Variants in COL19A1 observed in about 807,000 individuals in gnomAD.
COL19A1 encodes the protein collagen alpha-1(XIX) chain.
A neutral mutation model predicts 190.2 loss-of-function variants in COL19A1; 159 were observed. The observed-to-expected ratio is 0.84, with a 90% CI of 0.73 to 0.95. The LOEUF (loss-of-function observed/expected upper bound fraction) is 0.95, where lower values mean the gene tolerates loss of function less well. Ranked by LOEUF, COL19A1 falls within the 40% of genes least tolerant of loss-of-function variation. COL19A1 has a pLI of 0.00. For synonymous variants in COL19A1, 509 were observed against 458.9 expected (o/e 1.11, Z -1.39); for missense variants, 1,418 against 1,431.9 (o/e 0.99, Z 0.16).
At chr6:69,923,306 G>A (rs1199710022) in intron 4 of COL19A1, among the ~76,000 whole-genome samples, 1 of 152,072 alleles carries the variant, frequency 6.6e-6, no homozygotes, top group Non-Finnish European at 1.5e-5. Context: ...CCAACACATG[G>A]TAGGCTTGAA....
At chr6:69,983,881 A>G (rs1048298428) in intron 11 of COL19A1, among the ~76,000 whole-genome samples, 10 of 151,994 alleles carry the variant, frequency 6.6e-5, no homozygotes, top group African/African-American at 2.4e-4. Context: ...GGATTTTTGC[A>G]CCTATGTTTA....
At chr6:70,128,597 G>A (rs761953890) in intron 17 of COL19A1, among the ~76,000 whole-genome samples, 2 of 152,206 alleles carry the variant, frequency 1.3e-5, no homozygotes, top group Non-Finnish European at 2.9e-5. Context: ...GTGTTTAGGA[G>A]TAAACAGGAG....
In COL19A1 at chr6:70,169,035, T is replaced by C. The variant is rs186699931; in HGVS notation, c.2568+354T>C. Among the ~76,000 whole-genome samples the C allele has an allele frequency of 2.7e-3, 406 of 151,456 alleles. 2 individuals are homozygous for C. Among genetic ancestry groups the C allele is most frequent in the African/African-American group, 9.2e-3 (379 of 41,128 alleles). ...TAGATTGTGGAAGAGAAATACTTAC[T>C]GGAAAGAAATCCCTTAATATATCTG... On this transcript the variant is annotated intron_variant, in intron 40 of 50. Coordinates refer to ENST00000620364, the MANE Select transcript of COL19A1 (RefSeq NM_001858.6).
intron 2 of COL19A1, chr6:69,890,638 C>G (rs1769282047): frequency 6.6e-6 from 1 of 152,078 alleles, no homozygotes; most frequent in Admixed American, 6.5e-5. Context: ...TAAGTATGTT[C>G]CAAATATTGC....
chr6:70,131,044 C>T (rs892767088), intron 18 of COL19A1: 2 of 461,668 alleles, frequency 4.3e-6, no homozygotes, highest in Admixed American at 2.4e-5. Context: ...TTCCCCTTGT[C>T]ATTTGCAGGT....
At chr6:70,138,816 G>C (rs1786048664) in intron 19 of COL19A1, among the ~76,000 whole-genome samples, 1 of 152,018 alleles carries the variant, frequency 6.6e-6, no homozygotes, top group African/African-American at 2.4e-5. Flanking sequence ...CACAACTACA[G>C]GATTTGGCAG....
At chr6:69,917,201 T>A (rs1771362181) in intron 4 of COL19A1, among the ~76,000 whole-genome samples, 1 of 152,240 alleles carries the variant, frequency 6.6e-6, no homozygotes, top group Non-Finnish European at 1.5e-5. Context: ...ATTAAGAAAC[T>A]GATGTGTTTG....
chr6:70,066,027 G>A (rs2150147867), intron 14 of COL19A1, among the ~76,000 whole-genome samples: 1 of 152,318 alleles, frequency 6.6e-6, no homozygotes, highest in East Asian at 1.9e-4. Context: ...CAACCATTGT[G>A]GAAGACAATG....
intron 11 of COL19A1, 139 bp from the exon 12 acceptor site, chr6:70,023,488 G>GT: frequency 1.5e-6 from 1 of 666,126 alleles, no homozygotes; most frequent in South Asian, 2.1e-5. Context: ...ACTCAGGATT[G>GT]TTTTTTAATA....
At chr6:70,113,240 C>G (rs1784381369) in intron 16 of COL19A1, among the ~76,000 whole-genome samples, 1 of 152,190 alleles carries the variant, frequency 6.6e-6, no homozygotes, top group Non-Finnish European at 1.5e-5. Flanking sequence ...CAGCTTCCAA[C>G]TAAACTGTTA....
In COL19A1 at chr6:70,173,696, C is replaced by T. The variant is rs73746891; in HGVS notation, c.2622+1679C>T. Among the ~76,000 whole-genome samples the T allele has an allele frequency of 3.4e-3, 513 of 151,562 alleles. 6 individuals are homozygous for T. The highest frequency in any genetic ancestry group is 8.5e-3 in the African/African-American group (352 of 41,302). ...GGACTTGAATGGGTTTAAGAGAGAA[C>T]GAGGAAAAAAAATAGAGTCAGCAAG... On this transcript the variant is annotated intron_variant, in intron 41 of 50. Coordinates refer to ENST00000620364, the MANE Select transcript of COL19A1 (RefSeq NM_001858.6).
intron 9 of COL19A1, among the ~76,000 whole-genome samples, chr6:69,951,377 T>C (rs1582501828): frequency 1.3e-5 from 2 of 152,080 alleles, no homozygotes; most frequent in South Asian, 4.1e-4. Flanking sequence ...AAACAACAGA[T>C]ATAATTTTAA....
At chr6:70,167,305 T>C (rs1237840555) in intron 37 of COL19A1, among the ~76,000 whole-genome samples, 1 of 152,226 alleles carries the variant, frequency 6.6e-6, no homozygotes, top group Non-Finnish European at 1.5e-5. Context: ...GATTTGACTA[T>C]TGATTCTATA....
chr6:70,055,800 A>AT lies in COL19A1; in HGVS notation c.1171-12623_1171-12622insT, dbSNP rs1562125725. On this transcript the variant is annotated intron_variant, in intron 14 of 50. Coordinates refer to ENST00000620364, the MANE Select transcript of COL19A1 (RefSeq NM_001858.6). ...CTGTATTAAAAAAAAAAAAAAAAAA[A>AT]AAAAATTCACATTTTAATGACTGTA... Among the ~76,000 whole-genome samples, 389 of 150,904 alleles carry AT rather than the reference A, an allele frequency of 2.6e-3. 3 individuals carry two copies. Among genetic ancestry groups the AT allele is most frequent in the African/African-American group, 7.6e-3 (308 of 40,664 alleles).
At chr6:70,073,673 C>T (rs776014147) in intron 15 of COL19A1, among the ~76,000 whole-genome samples, 2 of 152,100 alleles carry the variant, frequency 1.3e-5, no homozygotes, top group Non-Finnish European at 2.9e-5. Flanking sequence ...AAGCTTGAGG[C>T]CCAGTGTTGA....
intron 11 of COL19A1, among the ~76,000 whole-genome samples, chr6:70,022,286 T>C (rs1778458206): frequency 6.6e-6 from 1 of 152,178 alleles, no homozygotes; most frequent in African/African-American, 2.4e-5. Context: ...GAGTACTTTC[T>C]ATACATATTC....
At chr6:70,203,208 G>A (rs545629660) in intron 49 of COL19A1, among the ~76,000 whole-genome samples, 29 of 152,154 alleles carry the variant, frequency 1.9e-4, no homozygotes, top group Admixed American at 1.2e-3. Context: ...TATTCCACCC[G>A]AGGAATAGAT....
At chr6:69,970,760 T>G (rs978560567) in intron 11 of COL19A1, among the ~76,000 whole-genome samples, 1 of 152,354 alleles carries the variant, frequency 6.6e-6, no homozygotes, top group Non-Finnish European at 1.5e-5. Flanking sequence ...CCTAGTAACA[T>G]GTAAACTAAA....
intron 11 of COL19A1, among the ~76,000 whole-genome samples, chr6:70,020,925 AT>A (rs1310362564): frequency 6.6e-6 from 1 of 152,118 alleles, no homozygotes; most frequent in Non-Finnish European, 1.5e-5. Context: ...ACCAATAGTA[AT>A]ATTTTCCAGC....
Sources: allele counts gnomAD v4.1 joint callset (sites outside exome capture counted in the v4.1 genomes callset), GRCh38; gene constraint gnomAD v4.1.1; transcripts MANE v1.5; gene names NCBI Gene and HGNC (gene_info 2026-07-23, HGNC 2026-07-21).